Variants in NOX4 observed in about 807,000 individuals in gnomAD.
NOX4 encodes kidney oxidase-1.
A neutral mutation model predicts 87.6 loss-of-function variants in NOX4; 69 were observed. The ratio of observed to expected loss-of-function variants is 0.79; its 90% CI spans 0.65 to 0.96. The LOEUF (loss-of-function observed/expected upper bound fraction) is 0.96. NOX4 is among the 40% of genes least tolerant of loss of function. The pLI is 0.00. For missense variants in NOX4, 680 were observed against 681.5 expected, an observed-to-expected ratio of 1.00 and a Z score of 0.02; for synonymous variants, 275 against 238.2, an observed-to-expected ratio of 1.15 and a Z score of -1.42.
At position 89,458,962 on chromosome 11, in the gene NOX4, C is replaced by A. The variant is rs770368141; in HGVS notation, c.154-7067G>T. On this transcript the variant is annotated intron_variant, in intron 2 of 17. Transcript: ENST00000263317. ...AGCAATCCCATGATTGAATATATACCCAAAGGGATATAAATCATTCTACCA... is the reference window on the plus strand; with the variant it reads ...AGCAATCCCATGATTGAATATATACACAAAGGGATATAAATCATTCTACCA... Among the ~76,000 whole-genome samples, 3 of 152,026 alleles carry A rather than the reference C, an allele frequency of 2.0e-5. No individual in the cohort carries two copies. In the South Asian group the frequency reaches 6.2e-4, roughly 32 times the overall value.
At chr11:89,346,577 G>A (rs1308185382) in intron 13 of NOX4, among the ~76,000 whole-genome samples, 2 of 49,776 alleles carry the variant, frequency 4.0e-5, no homozygotes, top group Non-Finnish European at 6.8e-5. Flanking sequence ...AACAAAGAAA[G>A]AAAGATGGAG....
the NOX4 span, among the ~76,000 whole-genome samples, chr11:89,560,717 C>A: frequency 6.6e-6 from 1 of 151,596 alleles, no homozygotes; most frequent in African/African-American, 2.4e-5. Flanking sequence ...GGAGCTGGGA[C>A]ACCCTTCTTC....
chr11:89,428,023 A>T (rs554446834), intron 7 of NOX4, among the ~76,000 whole-genome samples: 1 of 152,228 alleles, frequency 6.6e-6, no homozygotes, highest in Non-Finnish European at 1.5e-5. Flanking sequence ...CTGATCTCTC[A>T]GCAGAAACTC....
chr11:89,329,112 C>G (rs894983316), intron 17 of NOX4, among the ~76,000 whole-genome samples: 1 of 151,470 alleles, frequency 6.6e-6, no homozygotes, highest in Non-Finnish European at 1.5e-5. Flanking sequence ...AGATGACAGA[C>G]GTGGTCATTG....
Position 89,414,960 on chromosome 11 carries a change from CAAAT to C in NOX4, c.629+6938_629+6941del, listed in dbSNP as rs533057673. Among the ~76,000 whole-genome samples, 169 of 151,934 alleles carry C rather than the reference CAAAT, an allele frequency of 1.1e-3. 1 individual carries two copies. Among genetic ancestry groups the C allele is most frequent in the Middle Eastern group, 3.4e-3 (1 of 292 alleles). On this transcript the variant is annotated intron_variant, in intron 8 of 17. Transcript: ENST00000263317. Reference sequence around the variant, plus strand: ...ATAAGCAAGAGTACTTTCTAAATGACAAATAAATAATTCAATAATTCAAGAAAAG... The same window carrying C: ...ATAAGCAAGAGTACTTTCTAAATGACAAATAATTCAATAATTCAAGAAAAG...
In NOX4 at chr11:89,419,833, C is replaced by CA. The variant is rs1019832841; in HGVS notation, c.629+2068dup. Among the ~76,000 whole-genome samples, 4 of 151,776 alleles carry CA rather than the reference C, an allele frequency of 2.6e-5. No homozygotes were observed. The East Asian group carries it at 5.8e-4, about 22-fold the overall frequency. On this transcript the variant is annotated intron_variant, in intron 8 of 17. Coordinates refer to ENST00000263317, the MANE Select transcript of NOX4 (RefSeq NM_016931.5). ...TCTGTTTGAAATGCTGATCCTTTAA[C>CA]AAAAAATTGACACTATTTTGATTTA...
At chr11:89,535,223 T>C in the NOX4 span, among the ~76,000 whole-genome samples, 1 of 152,234 alleles carries the variant, frequency 6.6e-6, no homozygotes, top group Non-Finnish European at 1.5e-5. Context: ...CCAGTCACTT[T>C]TTATGAATAT....
the NOX4 span, among the ~76,000 whole-genome samples, chr11:89,522,218 A>G: frequency 6.6e-6 from 1 of 152,214 alleles, no homozygotes; most frequent in East Asian, 1.9e-4. Context: ...AAAAAGAAAC[A>G]TGCACTTGCA....
At chr11:89,564,981 G>A in the NOX4 span, among the ~76,000 whole-genome samples, 2 of 151,896 alleles carry the variant, frequency 1.3e-5, no homozygotes, top group Non-Finnish European at 2.9e-5. Flanking sequence ...AGTTTTCTTG[G>A]CCATATTCTG....
the NOX4 span, among the ~76,000 whole-genome samples, chr11:89,515,503 T>G: frequency 6.6e-6 from 1 of 151,870 alleles, no homozygotes; most frequent in Non-Finnish European, 1.5e-5. Context: ...TAACAAATTT[T>G]TTTCACATTC....
upstream of NOX4, among the ~76,000 whole-genome samples, chr11:89,500,906 A>C (rs974964944): frequency 1.3e-5 from 2 of 152,080 alleles, no homozygotes; most frequent in African/African-American, 4.8e-5. Flanking sequence ...TGGTTCCTGC[A>C]AGTGGGGCAT....
chr11:89,455,719 C>CATATATATATATAT (rs60864771), intron 2 of NOX4, among the ~76,000 whole-genome samples: 11 of 141,044 alleles, frequency 7.8e-5, no homozygotes, highest in African/African-American at 2.4e-4. Context: ...AAGATGAAGT[C>CATATATATATATAT]ATATATATAT....
chr11:89,480,275 C>T (rs778172853), intron 2 of NOX4, among the ~76,000 whole-genome samples: 2 of 152,090 alleles, frequency 1.3e-5, no homozygotes, highest in East Asian at 3.9e-4. Flanking sequence ...CGTCTCATTC[C>T]TTTCTTCAAA....
the NOX4 span, among the ~76,000 whole-genome samples, chr11:89,515,407 C>T: frequency 4.6e-5 from 7 of 151,204 alleles, no homozygotes; most frequent in Non-Finnish European, 1.0e-4. Flanking sequence ...CTCTTTATTG[C>T]TTTGGTTAAA....
the NOX4 span, among the ~76,000 whole-genome samples, chr11:89,587,884 A>G: frequency 5.3e-5 from 8 of 152,178 alleles, no homozygotes; most frequent in African/African-American, 1.9e-4. Context: ...CACATTTTCA[A>G]TATGACTTAA....
chr11:89,335,012 T>C (rs566348756), intron 17 of NOX4, among the ~76,000 whole-genome samples: 1 of 151,886 alleles, frequency 6.6e-6, no homozygotes, highest in Admixed American at 6.6e-5. Context: ...TCTAGCTGTA[T>C]TTATATTCCA....
At chr11:89,413,644 GA>G (rs1942605323) in intron 8 of NOX4, among the ~76,000 whole-genome samples, 1 of 152,126 alleles carries the variant, frequency 6.6e-6, no homozygotes, top group South Asian at 2.1e-4. Flanking sequence ...CGTGAAGATA[GA>G]GAGTAGAATG....
chr11:89,391,162 T>C (rs1475065830), intron 11 of NOX4, among the ~76,000 whole-genome samples: 1 of 152,140 alleles, frequency 6.6e-6, no homozygotes, highest in Non-Finnish European at 1.5e-5. Context: ...ATGGAGCTTA[T>C]GGTCTATGAG....
intron 12 of NOX4, among the ~76,000 whole-genome samples, chr11:89,360,717 G>T (rs566375395): frequency 2.2e-4 from 33 of 151,922 alleles, no homozygotes; most frequent in Non-Finnish European, 4.6e-4. Context: ...CAAAGGACTA[G>T]TTTCCAGAAT....
Sources: gnomAD v4.1 joint callset for allele counts (sites outside exome capture counted in the v4.1 genomes callset) on GRCh38, gnomAD v4.1.1 for gene constraint, MANE v1.5 for transcripts, NCBI Gene and HGNC (gene_info 2026-07-23, HGNC 2026-07-21) for gene names.